MARCHF1: variants seen among roughly 807,000 people sequenced by gnomAD.
The protein encoded by MARCHF1 is E3 ubiquitin-protein ligase MARCHF1.
A neutral mutation model predicts 54.2 loss-of-function variants in MARCHF1; 40 were observed. That is an observed-to-expected ratio of 0.74 (90% confidence interval 0.57 to 0.96). MARCHF1 has a LOEUF of 0.96. Among genes scored for constraint, MARCHF1 ranks in the 40% least tolerant of loss-of-function variants. MARCHF1 has a pLI of 0.00. For missense variants in MARCHF1, 586 were observed against 656.5 expected, an observed-to-expected ratio of 0.89 and a Z score of 1.17; for synonymous variants, 236 against 236.3, an observed-to-expected ratio of 1.00 and a Z score of 0.01.
At chr4:163,928,359 GAAC>G (rs1022261641) in intron 3 of MARCHF1, among the ~76,000 whole-genome samples, 9 of 151,934 alleles carry the variant, frequency 5.9e-5, no homozygotes, top group South Asian at 2.1e-4. Flanking sequence ...AGATAAAGCA[GAAC>G]AACAAGTGCA....
At chr4:163,946,762 C>G (rs1420247057) in intron 3 of MARCHF1, among the ~76,000 whole-genome samples, 1 of 152,208 alleles carries the variant, frequency 6.6e-6, no homozygotes, top group Non-Finnish European at 1.5e-5. Flanking sequence ...TTTAAAGGCA[C>G]AGTGGCATCT....
At chr4:163,739,609 C>A (rs1454986496) in intron 4 of MARCHF1, among the ~76,000 whole-genome samples, 2 of 152,098 alleles carry the variant, frequency 1.3e-5, no homozygotes, top group Non-Finnish European at 2.9e-5. Flanking sequence ...CAGTATTTAG[C>A]AACTAAAATA....
intron 1 of MARCHF1, among the ~76,000 whole-genome samples, chr4:164,283,488 C>G (rs1175642576): frequency 6.6e-6 from 1 of 150,914 alleles, no homozygotes; most frequent in Non-Finnish European, 1.5e-5. Context: ...CAGTAATACT[C>G]ACTAACAAAT....
chr4:163,808,249 G>T (rs564122495), intron 4 of MARCHF1, among the ~76,000 whole-genome samples: 1 of 152,138 alleles, frequency 6.6e-6, no homozygotes, highest in Non-Finnish European at 1.5e-5. Context: ...ATGCTGTCTG[G>T]AATGTCCGTT....
chr4:164,317,220 G>A (rs1040129489), intron 1 of MARCHF1, among the ~76,000 whole-genome samples: 27 of 152,230 alleles, frequency 1.8e-4, no homozygotes, highest in African/African-American at 6.0e-4. Flanking sequence ...ACCTGATTTG[G>A]TATTGTCCTT....
At chr4:164,362,347 C>A (rs748495391) in intron 1 of MARCHF1, among the ~76,000 whole-genome samples, 2 of 152,004 alleles carry the variant, frequency 1.3e-5, no homozygotes, top group Non-Finnish European at 2.9e-5. Flanking sequence ...TAGTGATGTA[C>A]CCCAAACCAG....
At chr4:163,633,640 G>A (rs1349316755) in intron 5 of MARCHF1, among the ~76,000 whole-genome samples, 2 of 152,186 alleles carry the variant, frequency 1.3e-5, no homozygotes, top group African/African-American at 2.4e-5. Context: ...TGAAAGTGAT[G>A]GGGAGAATGG....
intron 7 of MARCHF1, among the ~76,000 whole-genome samples, chr4:163,600,103 C>T (rs60100186): frequency 0.02 from 2,978 of 152,176 alleles, 85 homozygotes; most frequent in African/African-American, 0.066. Context: ...TCAAGTAGAC[C>T]TCCTGTTCCA....
At chr4:163,541,637 C>G (rs1738726610) in intron 9 of MARCHF1, among the ~76,000 whole-genome samples, 1 of 151,900 alleles carries the variant, frequency 6.6e-6, no homozygotes, top group Non-Finnish European at 1.5e-5. Flanking sequence ...TTTTTTCTCT[C>G]CAGGATCATC....
chr4:164,299,874 T>C (rs1222791231), intron 1 of MARCHF1, among the ~76,000 whole-genome samples: 1 of 152,206 alleles, frequency 6.6e-6, no homozygotes, highest in East Asian at 1.9e-4. Flanking sequence ...GATTCTTTTC[T>C]ATAAATTAAA....
rs150989286 is a variant in MARCHF1 at position 163,787,160 on chromosome 4, T to C, written c.111+66861A>G. 4.2e-4 allele frequency among the ~76,000 whole-genome samples: 64 copies of C among 152,016 alleles called. 2 individuals carry two copies. In the East Asian group the frequency reaches 0.012, roughly 29 times the overall value. ...AAAAAGGAGAAAAGATTTCAGCCAT[T>C]GTTTTTGGCAATGATTTCTTGAATA... On this transcript the variant is annotated intron_variant, in intron 4 of 9. Coordinates refer to ENST00000514618, the MANE Select transcript of MARCHF1 (RefSeq NM_001394959.1).
chr4:163,942,240 T>A (rs1751926473), intron 3 of MARCHF1, among the ~76,000 whole-genome samples: 1 of 152,230 alleles, frequency 6.6e-6, no homozygotes, highest in South Asian at 2.1e-4. Context: ...ATTTGGAAGT[T>A]ATTCTCAAAG....
At chr4:164,347,783 G>A (rs1561012008) in intron 1 of MARCHF1, among the ~76,000 whole-genome samples, 1 of 151,662 alleles carries the variant, frequency 6.6e-6, no homozygotes, top group Non-Finnish European at 1.5e-5. Flanking sequence ...GGGATTGTAG[G>A]GTAAACTGGA....
chr4:163,693,276 C>T (rs772198056), intron 5 of MARCHF1, among the ~76,000 whole-genome samples: 5 of 151,432 alleles, frequency 3.3e-5, no homozygotes, highest in Non-Finnish European at 7.4e-5. Context: ...CATGCTAGTG[C>T]ATTTCTTCCA....
At chr4:164,273,012 A>G (rs2111313479) in intron 1 of MARCHF1, among the ~76,000 whole-genome samples, 1 of 152,166 alleles carries the variant, frequency 6.6e-6, no homozygotes, top group East Asian at 1.9e-4. Flanking sequence ...TAAAATACTA[A>G]GCAAAGTACA....
At chr4:164,145,695 A>T (rs761985750) in intron 1 of MARCHF1, among the ~76,000 whole-genome samples, 93 of 151,622 alleles carry the variant, frequency 6.1e-4, no homozygotes, top group Non-Finnish European at 1.1e-3. Context: ...GCTATCTATG[A>T]TAAACCCACA....
At chr4:163,966,921 G>A (rs958414330) in intron 3 of MARCHF1, among the ~76,000 whole-genome samples, 2 of 152,078 alleles carry the variant, frequency 1.3e-5, no homozygotes, top group Non-Finnish European at 2.9e-5. Context: ...GAATTATTCT[G>A]ATTCTATAAG....
intron 1 of MARCHF1, among the ~76,000 whole-genome samples, chr4:164,193,443 A>T (rs1731175819): frequency 1.3e-5 from 2 of 152,042 alleles, no homozygotes; most frequent in Non-Finnish European, 2.9e-5. Flanking sequence ...TAAAGCCTGC[A>T]CTGCTTAACT....
intron 3 of MARCHF1, among the ~76,000 whole-genome samples, chr4:163,967,634 C>A (rs1468384827): frequency 1.3e-5 from 2 of 152,116 alleles, no homozygotes; most frequent in South Asian, 2.1e-4. Context: ...TCAGGGCTCT[C>A]CAGAGCAACA....
Sources: gnomAD v4.1 joint callset for allele counts (sites outside exome capture counted in the v4.1 genomes callset) on GRCh38, gnomAD v4.1.1 for gene constraint, MANE v1.5 for transcripts, NCBI Gene and HGNC (gene_info 2026-07-23, HGNC 2026-07-21) for gene names.